The following PTPRO variants were observed in gnomAD, a reference collection of about 807,000 sequenced individuals.
PTPRO encodes the protein receptor-type tyrosine-protein phosphatase O.
A neutral mutation model predicts 145.2 loss-of-function variants in PTPRO; 62 were observed. The ratio of observed to expected loss-of-function variants is 0.43; its 90% CI spans 0.35 to 0.53. PTPRO has a LOEUF of 0.53. Among genes scored for constraint, PTPRO ranks in the 20% least tolerant of loss-of-function variants. The pLI, the probability that PTPRO is intolerant of heterozygous loss-of-function variation, is 0.01. For missense variants in PTPRO, 1,345 were observed against 1,482.7 expected (o/e 0.91, Z 1.53); for synonymous variants, 565 against 514.7 (o/e 1.10, Z -1.32).
At position 15,508,806 on chromosome 12, in the gene PTPRO, C is replaced by T. The variant is rs758216243; in HGVS notation, c.1464+39C>T. On this transcript the variant is annotated intron_variant, in intron 7 of 26. Coordinates refer to ENST00000281171, the MANE Select transcript of PTPRO (RefSeq NM_030667.3). ...AATGAGAATGGGCTCGCCGGTCCTTCCTAAGCACAACCTTACAGGGCAATG... is the reference window on the plus strand; with the variant it reads ...AATGAGAATGGGCTCGCCGGTCCTTTCTAAGCACAACCTTACAGGGCAATG... 3.8e-6 allele frequency: 6 copies of T among 1,597,244 alleles called. 1 individual carries two copies. In the South Asian group the frequency reaches 6.6e-5, roughly 18 times the overall value.
At chr12:15,592,561 T>C (rs1411236813) in intron 25 of PTPRO, among the ~76,000 whole-genome samples, 1 of 152,130 alleles carries the variant, frequency 6.6e-6, no homozygotes, top group Non-Finnish European at 1.5e-5. Flanking sequence ...CCTCTTCCTC[T>C]TCCTCACCTG....
intron 17 of PTPRO, among the ~76,000 whole-genome samples, chr12:15,561,254 T>A (rs530669994): frequency 6.6e-6 from 1 of 152,010 alleles, no homozygotes; most frequent in East Asian, 1.9e-4. Flanking sequence ...AAAAAATAGC[T>A]TATGGGGTGG....
intron 1 of PTPRO, among the ~76,000 whole-genome samples, chr12:15,393,318 G>A (rs1349954253): frequency 1.3e-5 from 2 of 152,164 alleles, no homozygotes; most frequent in African/African-American, 4.8e-5. Context: ...TATGAGTGGT[G>A]GGTAAGAGAC....
chr12:15,431,991 T>G (rs2136342561), intron 1 of PTPRO, among the ~76,000 whole-genome samples: 1 of 152,278 alleles, frequency 6.6e-6, no homozygotes, highest in Admixed American at 6.5e-5. Context: ...TGTTTTTTGT[T>G]TTTGTTTTTG....
chr12:15,504,325 G>A (rs564430520), intron 6 of PTPRO, among the ~76,000 whole-genome samples: 18 of 151,970 alleles, frequency 1.2e-4, no homozygotes, highest in Non-Finnish European at 2.1e-4. Context: ...TTATTAAACT[G>A]ACCTTTCACA....
intron 1 of PTPRO, among the ~76,000 whole-genome samples, chr12:15,408,585 G>A (rs79892382): frequency 2.0e-5 from 3 of 151,936 alleles, no homozygotes; most frequent in Non-Finnish European, 2.9e-5. Context: ...CCACCACCAC[G>A]CTTGGCTAAT....
Position 15,516,794 on chromosome 12 carries a change from T to A in PTPRO, c.1617T>A (p.Tyr539Ter). 1 of 1,611,316 alleles carries A rather than the reference T, an allele frequency of 6.2e-7. No individual in the cohort carries two copies. The highest frequency in any genetic ancestry group is 2.2e-5 in the East Asian group (1 of 44,876). ...CAGGAATAAAGGATTTAATGCTCTA[T>A]CCTTTGGGTCCTACGGCCGTGGTTC... ...VPTGIKDLML[Y>*]PLGPTAVVLS... Residue 539 changes from tyrosine to a stop codon, truncating the protein, a stop_gained, in exon 9 of 27, where the codon TAT (tyrosine) becomes TAA (stop). Coordinates refer to ENST00000281171, the MANE Select transcript of PTPRO (RefSeq NM_030667.3). LOFTEE classifies it high-confidence loss of function.
chr12:15,492,408 A>C lies in PTPRO; in HGVS notation c.350-4837A>C, dbSNP rs116470067. On this transcript the variant is annotated intron_variant, in intron 2 of 26. Transcript: ENST00000281171. ...CTCCAGTTTTTGAAACCAGGGAATT[A>C]GTGGGAAAAAAAATTGGCAGAAATA... Among the ~76,000 whole-genome samples, 517 of 152,238 alleles carry C rather than the reference A, an allele frequency of 3.4e-3. 1 individual carries two copies. Among genetic ancestry groups the C allele is most frequent in the African/African-American group, 0.011 (442 of 41,548 alleles).
chr12:15,332,688 A>T (rs965182265), intron 1 of PTPRO, among the ~76,000 whole-genome samples: 1 of 152,244 alleles, frequency 6.6e-6, no homozygotes, highest in Admixed American at 6.5e-5. Flanking sequence ...TGTCTCTAAT[A>T]TCACTGCTAA....
chr12:15,445,521 CAT>C (rs1255653001), intron 1 of PTPRO, among the ~76,000 whole-genome samples: 2 of 151,994 alleles, frequency 1.3e-5, no homozygotes, highest in Non-Finnish European at 2.9e-5. Flanking sequence ...ATTTTTAAAG[CAT>C]TATGTGTCAA....
intron 1 of PTPRO, among the ~76,000 whole-genome samples, chr12:15,340,375 T>A (rs1376102296): frequency 6.6e-6 from 1 of 152,160 alleles, no homozygotes; most frequent in East Asian, 1.9e-4. Flanking sequence ...CACAGGTGAC[T>A]GAATCAGTCC....
chr12:15,360,108 T>C, intron 1 of PTPRO, among the ~76,000 whole-genome samples: 1 of 152,206 alleles, frequency 6.6e-6, no homozygotes, highest in Non-Finnish European at 1.5e-5. Context: ...TTCCCTCTAT[T>C]GTGCTTTTCA....
At chr12:15,383,746 C>T (rs553127017) in intron 1 of PTPRO, among the ~76,000 whole-genome samples, 9 of 152,176 alleles carry the variant, frequency 5.9e-5, no homozygotes, top group Admixed American at 3.9e-4. Flanking sequence ...AAAGATTTTC[C>T]GAGTGGCAAT....
intron 10 of PTPRO, 47 bp downstream of exon 10, chr12:15,520,359 T>G: frequency 7.0e-7 from 1 of 1,424,094 alleles, no homozygotes; most frequent in East Asian, 2.3e-5. Context: ...AGCATTATTG[T>G]GAGGAGTTAC....
At chr12:15,410,995 G>A (rs1377535078) in intron 1 of PTPRO, among the ~76,000 whole-genome samples, 2 of 152,172 alleles carry the variant, frequency 1.3e-5, no homozygotes, top group Admixed American at 1.3e-4. Flanking sequence ...ATGAAGCAAT[G>A]TTAGCTCACT....
intron 1 of PTPRO, among the ~76,000 whole-genome samples, chr12:15,368,915 T>C (rs1002204472): frequency 1.3e-5 from 2 of 152,164 alleles, no homozygotes; most frequent in African/African-American, 4.8e-5. Context: ...CTGGAAAGCA[T>C]AGAGATAACA....
At chr12:15,359,416 T>C in intron 1 of PTPRO, among the ~76,000 whole-genome samples, 1 of 148,272 alleles carries the variant, frequency 6.7e-6, no homozygotes, top group South Asian at 2.1e-4. Context: ...CTTTTCTTTC[T>C]CTTTCCTTTT....
Position 15,569,511 on chromosome 12 carries a change from A to G in PTPRO, c.2829+13A>G. On this transcript the variant is annotated intron_variant, in intron 19 of 26. Coordinates refer to ENST00000281171, the MANE Select transcript of PTPRO (RefSeq NM_030667.3). Reference sequence around the variant, plus strand: ...TCTTCAGTTTGAGGTGAGTTGGTTAAGGCATTTTCTACCTTCTGTAATGGA... The same window carrying G: ...TCTTCAGTTTGAGGTGAGTTGGTTAGGGCATTTTCTACCTTCTGTAATGGA... The G allele has an allele frequency of 6.3e-7, 1 of 1,599,158 alleles. No homozygotes were observed. Among genetic ancestry groups the G allele is most frequent in the Non-Finnish European group, 8.6e-7 (1 of 1,166,644 alleles).
chr12:15,367,830 C>A (rs898237291), intron 1 of PTPRO, among the ~76,000 whole-genome samples: 1 of 152,166 alleles, frequency 6.6e-6, no homozygotes, highest in Admixed American at 6.5e-5. Flanking sequence ...ATGGACCTGA[C>A]GGGCTGTTGT....
Sources: allele counts gnomAD v4.1 joint callset (sites outside exome capture counted in the v4.1 genomes callset), GRCh38; gene constraint gnomAD v4.1.1; transcripts MANE v1.5; gene names NCBI Gene and HGNC (gene_info 2026-07-23, HGNC 2026-07-21).